The following TIGAR variants were observed in gnomAD, a reference collection of about 807,000 sequenced individuals.
TIGAR encodes the protein TP53 induced glycolysis regulatory phosphatase.
In TIGAR, 7 loss-of-function variants were observed where a neutral mutation model predicts 17.9. That is an observed-to-expected ratio of 0.39 (90% CI 0.22 to 0.73). TIGAR has a LOEUF of 0.73. Among genes scored for constraint, TIGAR ranks in the 30% least tolerant of loss-of-function variants. The pLI, the probability that TIGAR is intolerant of heterozygous loss-of-function variation, is 0.42. For missense variants in TIGAR, 258 were observed against 327.4 expected, an observed-to-expected ratio of 0.79 and a Z score of 1.64; for synonymous variants, 94 against 108.6, an observed-to-expected ratio of 0.87 and a Z score of 0.84.
rs1023525725 is a variant in TIGAR, at chr12:4,358,503, TTC to T, written c.*5819_*5820del. 9.2e-5 allele frequency among the ~76,000 whole-genome samples: 14 copies of T among 152,138 alleles called. No individual in the cohort carries two copies. Among genetic ancestry groups the T allele is most frequent in the Non-Finnish European group, 8.8e-5 (6 of 68,036 alleles). On this transcript the variant is annotated 3_prime_UTR_variant, in exon 6 of 6. Coordinates refer to ENST00000179259, the MANE Select transcript of TIGAR (RefSeq NM_020375.3). ...GTTGTCCCACTTGCTTTGCCATTTT[TTC>T]TCTCTCCCTCTGTTTTCCCCTGAAA...
intron 3 of TIGAR, among the ~76,000 whole-genome samples, chr12:4,347,670 A>G (rs1864795693): frequency 6.6e-6 from 1 of 152,202 alleles, no homozygotes; most frequent in Non-Finnish European, 1.5e-5. Context: ...CCATAAATAT[A>G]TACATTTACT....
chr12:4,329,149 T>C (rs1294954649), intron 1 of TIGAR, among the ~76,000 whole-genome samples: 1 of 152,132 alleles, frequency 6.6e-6, no homozygotes, highest in Non-Finnish European at 1.5e-5. Flanking sequence ...ATTCCATATC[T>C]TTACATATAA....
At chr12:4,325,719 G>A (rs952829494) in intron 1 of TIGAR, among the ~76,000 whole-genome samples, 1 of 140,128 alleles carries the variant, frequency 7.1e-6, no homozygotes, top group Non-Finnish European at 1.5e-5. Context: ...TCCAGCCTGG[G>A]CAACAAGAGT....
In TIGAR at chr12:4,355,868, G is replaced by A. The variant is rs1864895212; in HGVS notation, c.*3177G>A. Among the ~76,000 whole-genome samples, 1 of 152,204 alleles carries A rather than the reference G, an allele frequency of 6.6e-6. No individual in the cohort carries two copies. Among genetic ancestry groups the A allele is most frequent in the South Asian group, 2.1e-4 (1 of 4,830 alleles). On this transcript the variant is annotated 3_prime_UTR_variant, in exon 6 of 6. Transcript: ENST00000179259. ...GTCAGCACTGAAGGATGTAAGATCT[G>A]CTGCTCTGGGGAGAGGAGCAGCATG...
In TIGAR at chr12:4,357,369, G is replaced by A. The variant is rs1436863533; in HGVS notation, c.*4678G>A. 6.6e-6 allele frequency among the ~76,000 whole-genome samples: 1 copy of A among 152,232 alleles called. No homozygotes were observed. The highest frequency in any genetic ancestry group is 2.4e-5 in the African/African-American group (1 of 41,468). ...ATCAGCCCTGTTAAGCACAGACACA[G>A]GAGATGCAAAGGAAAGAAGTATTCA... is the stretch of plus-strand genomic sequence containing the variant. On this transcript the variant is annotated 3_prime_UTR_variant, in exon 6 of 6. Transcript: ENST00000179259.
intron 2 of TIGAR, among the ~76,000 whole-genome samples, chr12:4,336,276 G>A (rs1024651889): frequency 2.0e-5 from 3 of 152,200 alleles, no homozygotes; most frequent in Non-Finnish European, 2.9e-5. Context: ...TAGTCCTCCC[G>A]CTTGCCGTCC....
Position 4,321,880 on chromosome 12 carries a change from A to C in TIGAR, c.32+577A>C, listed in dbSNP as rs1019643236. Among the ~76,000 whole-genome samples, 3 of 152,214 alleles carry C rather than the reference A, an allele frequency of 2.0e-5. No individual in the cohort carries two copies. Among genetic ancestry groups the C allele is most frequent in the African/African-American group, 4.8e-5 (2 of 41,450 alleles). Reference sequence around the variant, plus strand: ...CTCAGCAGACCGTATCATCCCAAATAAATGTTTTTATTATCATAACGTTAC... The same window carrying C: ...CTCAGCAGACCGTATCATCCCAAATCAATGTTTTTATTATCATAACGTTAC... On this transcript the variant is annotated intron_variant, in intron 1 of 5. Transcript: ENST00000179259. This position sits in a 1 kb window ranked among gnomAD's most constrained non-coding sequence, Gnocchi z 5.2.
At chr12:4,342,696 C>G (rs556454639) in intron 3 of TIGAR, among the ~76,000 whole-genome samples, 1 of 152,006 alleles carries the variant, frequency 6.6e-6, no homozygotes, top group African/African-American at 2.4e-5. Context: ...TGAGAGATTT[C>G]GGCACCACCA....
rs536868589 is a variant in TIGAR, at chr12:4,346,723, G to C, written c.193-3096G>C. On this transcript the variant is annotated intron_variant, in intron 3 of 5. Coordinates refer to ENST00000179259, the MANE Select transcript of TIGAR (RefSeq NM_020375.3). ...TACATATGTAACAAACCTGCACGTC[G>C]TGCACATGTACCCTAGAACTTAAAG... is the stretch of plus-strand genomic sequence containing the variant. Among the ~76,000 whole-genome samples the C allele has an allele frequency of 5.3e-5, 8 of 151,848 alleles. No individual in the cohort carries two copies. In the South Asian group the frequency reaches 1.7e-3, roughly 32 times the overall value.
chr12:4,326,263 T>C (rs1864545157), intron 1 of TIGAR, among the ~76,000 whole-genome samples: 1 of 152,226 alleles, frequency 6.6e-6, no homozygotes, highest in South Asian at 2.1e-4. Flanking sequence ...ACCTTTCAGC[T>C]CCGTTCACCT....
rs1055246499 is a variant in TIGAR, at chr12:4,354,754, CAG to C, written c.*2066_*2067del. ...TTTTCTTTTTTTTTTTTTTTGGAGA[CAG>C]AGTCTCTCTCTGTTGCCCAGGCTGG... On this transcript the variant is annotated 3_prime_UTR_variant, in exon 6 of 6. Coordinates refer to ENST00000179259, the MANE Select transcript of TIGAR (RefSeq NM_020375.3). Among the ~76,000 whole-genome samples, 2 of 140,486 alleles carry C rather than the reference CAG, an allele frequency of 1.4e-5. No individual in the cohort carries two copies. The highest frequency in any genetic ancestry group is 2.2e-4 in the South Asian group (1 of 4,466). The allele number at this position is 140,486 out of a possible 152,430, so 92.2% of individuals were successfully genotyped here. A position where few individuals can be genotyped will look rare whatever the true frequency, so the allele number is the denominator to read the frequency against.
At position 4,335,350 on chromosome 12, in the gene TIGAR, T is replaced by TA. The variant is rs1433109525; in HGVS notation, c.71-1688dup. ...CCATGCCCGGCCATTTTTTTTTTTT[T>TA]ATTCCTTTAGAGTTCCAATTAGATG... On this transcript the variant is annotated intron_variant, in intron 2 of 5. Transcript: ENST00000179259. Among the ~76,000 whole-genome samples the TA allele has an allele frequency of 8.5e-5, 13 of 152,096 alleles. No individual in the cohort carries two copies. In the Middle Eastern group the frequency reaches 0.01, roughly 119 times the overall value.
intron 1 of TIGAR, among the ~76,000 whole-genome samples, chr12:4,322,093 T>A (rs968012501): frequency 1.3e-5 from 2 of 151,438 alleles, no homozygotes; most frequent in Non-Finnish European, 2.9e-5. Context: ...GCCTCCGGGG[T>A]TCAAGCGATT....
intron 3 of TIGAR, among the ~76,000 whole-genome samples, chr12:4,343,874 A>G (rs1331864812): frequency 2.0e-5 from 3 of 152,248 alleles, no homozygotes; most frequent in African/African-American, 7.2e-5. Flanking sequence ...AGAAATAACT[A>G]AGATCAGAGC....
rs1864890013 is a variant in TIGAR, at chr12:4,355,471, T to C, written c.*2780T>C. On this transcript the variant is annotated 3_prime_UTR_variant, in exon 6 of 6. Transcript: ENST00000179259. Reference sequence around the variant, plus strand: ...CCTCTTGTTCATTTTTAAAGTTGTCTTAACTATTTATGCACTTTTATTCTT... The same window carrying C: ...CCTCTTGTTCATTTTTAAAGTTGTCCTAACTATTTATGCACTTTTATTCTT... Among the ~76,000 whole-genome samples, 1 of 152,338 alleles carries C rather than the reference T, an allele frequency of 6.6e-6. No individual in the cohort carries two copies.
At chr12:4,324,465 G>C in intron 1 of TIGAR, 1 of 1,584,670 alleles carries the variant, frequency 6.3e-7, no homozygotes, top group Non-Finnish European at 8.7e-7. Flanking sequence ...ACTCGCCCAG[G>C]TAGTGACTGA....
intron 2 of TIGAR, among the ~76,000 whole-genome samples, chr12:4,332,238 CTTTTTTTTT>C (rs777711454): frequency 1.0e-4 from 10 of 95,362 alleles, no homozygotes; most frequent in African/African-American, 4.0e-4. Flanking sequence ...TCATGTATTT[CTTTTTTTTT>C]TTTTTTTTTT....
chr12:4,335,740 A>G (rs1471851096), intron 2 of TIGAR: 1 of 152,258 alleles, frequency 6.6e-6, no homozygotes, highest in Non-Finnish European at 1.5e-5. Context: ...AGGAGTTCTC[A>G]TTCTTTCCTT....
chr12:4,339,941 A>G (rs528160479), intron 3 of TIGAR, among the ~76,000 whole-genome samples: 39 of 152,356 alleles, frequency 2.6e-4, no homozygotes, highest in African/African-American at 8.7e-4. Flanking sequence ...GCCGTATGCA[A>G]TAGACCCACA....
Sources: allele counts gnomAD v4.1 joint callset (sites outside exome capture counted in the v4.1 genomes callset), GRCh38; gene constraint gnomAD v4.1.1; non-coding constraint Gnocchi (gnomAD v3.1); transcripts MANE v1.5; gene names NCBI Gene and HGNC (gene_info 2026-07-23, HGNC 2026-07-21).